The following PEAK1 variants were observed in gnomAD, a reference collection of about 807,000 sequenced individuals.
PEAK1 encodes the protein inactive tyrosine-protein kinase PEAK1.
PEAK1 carries 54 observed loss-of-function variants against 124.7 expected under a neutral mutation model. The ratio of observed to expected loss-of-function variants is 0.43; its 90% CI spans 0.35 to 0.54. PEAK1 has a LOEUF of 0.54. Ranked by LOEUF, PEAK1 falls within the 20% of genes least tolerant of loss-of-function variation. The pLI is 0.01. For missense variants in PEAK1, 2,046 were observed against 2,134.5 expected (o/e 0.96, Z 0.82); for synonymous variants, 719 against 760.0 (o/e 0.95, Z 0.89).
At chr15:77,164,738 A>C (rs2055949069) in intron 7 of PEAK1, among the ~76,000 whole-genome samples, 1 of 152,230 alleles carries the variant, frequency 6.6e-6, no homozygotes. Flanking sequence ...TAACATTCTC[A>C]ATAACAGAAG....
chr15:77,257,852 T>C (rs2061241035), intron 5 of PEAK1, among the ~76,000 whole-genome samples: 1 of 152,246 alleles, frequency 6.6e-6, no homozygotes, highest in African/African-American at 2.4e-5. Context: ...AGGGTTTTTA[T>C]GGTTTCAGGT....
At chr15:77,163,104 A>G (rs185765995) in intron 7 of PEAK1, among the ~76,000 whole-genome samples, 8 of 152,326 alleles carry the variant, frequency 5.3e-5, no homozygotes, top group Middle Eastern at 3.4e-3. Flanking sequence ...GGTTGGGTCA[A>G]ACTCTGACTT....
At chr15:77,256,656 C>T (rs1330749546) in intron 5 of PEAK1, among the ~76,000 whole-genome samples, 1 of 151,232 alleles carries the variant, frequency 6.6e-6, no homozygotes, top group South Asian at 2.1e-4. Flanking sequence ...ATGTCATGGT[C>T]CATAAATAAA....
At chr15:77,160,319 T>C (rs552655000) in intron 7 of PEAK1, among the ~76,000 whole-genome samples, 1 of 152,294 alleles carries the variant, frequency 6.6e-6, no homozygotes, top group South Asian at 2.1e-4. Context: ...GGAAAATGTT[T>C]TCTGGCAAAA....
At chr15:77,313,684 G>GTATATATATATATA (rs1567244775) in intron 2 of PEAK1, among the ~76,000 whole-genome samples, 3 of 119,726 alleles carry the variant, frequency 2.5e-5, no homozygotes, top group African/African-American at 1.2e-4. Context: ...GTGTGTGTGT[G>GTATATATATATATA]TGTGTGTGTA....
chr15:77,348,511 G>T, intron 2 of PEAK1: 1 of 962,940 alleles, frequency 1.0e-6, no homozygotes. Flanking sequence ...GAATATACAG[G>T]CCAAACTCCT....
At chr15:77,311,444 G>A (rs1597233926) in intron 2 of PEAK1, among the ~76,000 whole-genome samples, 1 of 152,142 alleles carries the variant, frequency 6.6e-6, no homozygotes, top group Non-Finnish European at 1.5e-5. Flanking sequence ...GCGAGGCAGA[G>A]GCGGGTGGAT....
intron 8 of PEAK1, among the ~76,000 whole-genome samples, chr15:77,150,213 A>G (rs1378863364): frequency 6.6e-6 from 1 of 152,158 alleles, no homozygotes; most frequent in Non-Finnish European, 1.5e-5. Context: ...AAAAAAAGGA[A>G]AACAGTAGGA....
intron 2 of PEAK1, among the ~76,000 whole-genome samples, chr15:77,363,002 C>T (rs959649646): frequency 6.6e-6 from 1 of 151,992 alleles, no homozygotes; most frequent in African/African-American, 2.4e-5. Flanking sequence ...ATTACAGATG[C>T]TCACCACCAC....
At chr15:77,410,954 C>G (rs894560864) in intron 1 of PEAK1, among the ~76,000 whole-genome samples, 7 of 152,168 alleles carry the variant, frequency 4.6e-5, no homozygotes, top group Admixed American at 1.3e-4. Context: ...ATACTACCAC[C>G]TCTTATCAGC....
intron 2 of PEAK1, among the ~76,000 whole-genome samples, chr15:77,307,386 T>C (rs1314703130): frequency 6.6e-6 from 1 of 152,086 alleles, no homozygotes; most frequent in Non-Finnish European, 1.5e-5. Context: ...TTGAAAACAT[T>C]ACCAGAATAA....
chr15:77,204,964 G>T, intron 6 of PEAK1: 1 of 188,734 alleles, frequency 5.3e-6, no homozygotes, highest in South Asian at 9.4e-5. Context: ...AAAGGGAAAA[G>T]GGGAACAAAG....
At position 77,404,551 on chromosome 15, in the gene PEAK1, T is replaced by A. The variant is rs569011376; in HGVS notation, c.-666+15455A>T. ...ATTAATTTCACCTGCTTTTTTGTAC[T>A]TTTTTAAATGTGGCTACTAGAAAAT... On this transcript the variant is annotated intron_variant, in intron 1 of 9. Transcript: ENST00000682557. 3 of 730,830 alleles carry A rather than the reference T, an allele frequency of 4.1e-6. No homozygotes were observed. In the East Asian group the frequency reaches 3.9e-4, roughly 96 times the overall value. The allele number at this position is 730,830 out of a possible 1,614,324, so 45.3% of individuals were successfully genotyped here. A position where few individuals can be genotyped will look rare whatever the true frequency, so the allele number is the denominator to read the frequency against.
At chr15:77,299,033 A>G (rs1208344025) in intron 2 of PEAK1, among the ~76,000 whole-genome samples, 1 of 152,184 alleles carries the variant, frequency 6.6e-6, no homozygotes, top group Non-Finnish European at 1.5e-5. Flanking sequence ...TCACTCCCAC[A>G]CTTGGCAATG....
intron 8 of PEAK1, chr15:77,155,178 C>T (rs563804338): frequency 6.6e-6 from 1 of 152,290 alleles, no homozygotes; most frequent in Admixed American, 6.5e-5. Context: ...AGGCTTTGTT[C>T]ATTTCTTTTT....
chr15:77,388,588 C>G (rs1391924716), intron 1 of PEAK1, among the ~76,000 whole-genome samples: 1 of 152,210 alleles, frequency 6.6e-6, no homozygotes, highest in Non-Finnish European at 1.5e-5. Flanking sequence ...CTCCGTGTAT[C>G]AAACAATACA....
intron 2 of PEAK1, among the ~76,000 whole-genome samples, chr15:77,323,914 T>G (rs980391255): frequency 6.6e-6 from 1 of 152,158 alleles, no homozygotes; most frequent in Non-Finnish European, 1.5e-5. Context: ...CAAAACAATA[T>G]GGTACTGGTA....
intron 8 of PEAK1, among the ~76,000 whole-genome samples, chr15:77,136,644 T>C (rs2152746363): frequency 6.6e-6 from 1 of 151,974 alleles, no homozygotes; most frequent in East Asian, 1.9e-4. Context: ...CCAGTATTGG[T>C]GACAGAGTGA....
At chr15:77,355,825 A>C in intron 2 of PEAK1, 1 of 985,282 alleles carries the variant, frequency 1.0e-6, no homozygotes, top group Non-Finnish European at 1.2e-6. Flanking sequence ...ATAATAGAAA[A>C]ACTGCTGACC....
Sources: gnomAD v4.1 joint callset for allele counts (sites outside exome capture counted in the v4.1 genomes callset) on GRCh38, gnomAD v4.1.1 for gene constraint, MANE v1.5 for transcripts, NCBI Gene and HGNC (gene_info 2026-07-23, HGNC 2026-07-21) for gene names.